The following FHIP1B variants were observed in gnomAD, a reference collection of about 807,000 sequenced individuals.
The protein encoded by FHIP1B is FHF complex subunit HOOK interacting protein 1B, also known as FHF complex subunit HOOK-interacting protein 1B.
FHIP1B carries 28 observed loss-of-function variants against 82.2 expected under a neutral mutation model. The observed-to-expected ratio is 0.34, with a 90% CI of 0.25 to 0.47. FHIP1B has a LOEUF of 0.47. Among genes scored for constraint, FHIP1B ranks in the 20% least tolerant of loss-of-function variants. The pLI is 1.00. For synonymous variants in FHIP1B, 585 were observed against 516.1 expected (o/e 1.13, Z -1.81); for missense variants, 1,110 against 1,262.6 (o/e 0.88, Z 1.83).
At chr11:6,220,011 A>G (rs1190444608) in intron 6 of FHIP1B, among the ~76,000 whole-genome samples, 2 of 152,230 alleles carry the variant, frequency 1.3e-5, no homozygotes, top group African/African-American at 4.8e-5. Context: ...AGACTCACTG[A>G]AAAGTAGTAA....
chr11:6,230,514 T>C (rs562999177), intron 1 of FHIP1B, among the ~76,000 whole-genome samples: 1 of 152,352 alleles, frequency 6.6e-6, no homozygotes, highest in East Asian at 1.9e-4. Flanking sequence ...TACACATTTC[T>C]TCCCTGCTTT....
chr11:6,226,280 G>T (rs1244776636), intron 1 of FHIP1B, among the ~76,000 whole-genome samples: 1 of 152,122 alleles, frequency 6.6e-6, no homozygotes, highest in Admixed American at 6.5e-5. Flanking sequence ...TAAAGGGAGG[G>T]GCCCAGTCCT....
chr11:6,217,529 C>A lies in FHIP1B; in HGVS notation c.2057G>T (p.Ser686Ile). Residue 686 changes from serine to isoleucine, a missense_variant, in exon 9 of 12, where the codon AGC becomes ATC. Physicochemically the swap from Ser to Ile is moderately radical, Grantham distance 142. This residue lies in a region of FHIP1B where 418 missense variants were observed against 371.4 expected (regional missense o/e 1.13). Transcript: ENST00000449352. ...QELRELEVAL[S>I]NGGTGSESPL... Reference sequence around the variant, plus strand: ...GGACTCTGAGCCAGTTCCCCCATTGCTCAATGCCACCTCTAGCTCCCGGAG... The same window carrying A: ...GGACTCTGAGCCAGTTCCCCCATTGATCAATGCCACCTCTAGCTCCCGGAG... 6.2e-7 allele frequency: 1 copy of A among 1,610,720 alleles called. No homozygotes were observed.
At chr11:6,211,901 G>A in intron 11 of FHIP1B, 34 bp from the exon 12 acceptor site, 1 of 1,516,432 alleles carries the variant, frequency 6.6e-7, no homozygotes, top group Non-Finnish European at 8.8e-7. Context: ...GAAGGTGCTG[G>A]GATCAGGGAA....
Position 6,223,468 on chromosome 11 carries a change from T to C in FHIP1B, c.777+142A>G. On this transcript the variant is annotated intron_variant, in intron 3 of 11. Transcript: ENST00000449352. This position sits in a 1 kb window ranked among gnomAD's most constrained non-coding sequence, Gnocchi z 4.8. ...GCCCATGATTCATCCCCACTACAAC[T>C]CCAGGGGGCTGCTTTCAAATCCAGG... The C allele has an allele frequency of 8.6e-7, 1 of 1,166,528 alleles. No homozygotes were observed. Among genetic ancestry groups the C allele is most frequent in the Non-Finnish European group, 1.2e-6 (1 of 822,252 alleles). 72.3% of individuals were successfully genotyped at this position (1,166,528 alleles called of 1,614,324 possible).
At chr11:6,219,478 A>T (rs900479124) in intron 6 of FHIP1B, among the ~76,000 whole-genome samples, 2 of 152,216 alleles carry the variant, frequency 1.3e-5, no homozygotes, top group African/African-American at 2.4e-5. Flanking sequence ...CTGAATGCCT[A>T]CCAATAAGAA....
Position 6,224,576 on chromosome 11 carries a change from A to AG in FHIP1B, c.-61dup, listed in dbSNP as rs1847512304. On this transcript the variant is annotated 5_prime_UTR_variant, in exon 2 of 12. Transcript: ENST00000449352. ...TACACTCTGAGGATTTGCCAGCTGG[A>AG]GGTTTTCTCCACTTGTGTCTCCAGT... 6.6e-7 allele frequency: 1 copy of AG among 1,526,360 alleles called. No individual in the cohort carries two copies. The highest frequency in any genetic ancestry group is 1.4e-5 in the African/African-American group (1 of 72,060). The allele number at this position is 1,526,360 out of a possible 1,614,324, so 94.6% of individuals were successfully genotyped here. A position where few individuals can be genotyped will look rare whatever the true frequency, so the allele number is the denominator to read the frequency against.
intron 1 of FHIP1B, among the ~76,000 whole-genome samples, chr11:6,231,814 ATT>A (rs148892844): frequency 8.1e-4 from 123 of 152,084 alleles, no homozygotes; most frequent in African/African-American, 2.8e-3. Flanking sequence ...ATTATGATAT[ATT>A]TTCACATTTC....
intron 6 of FHIP1B, among the ~76,000 whole-genome samples, chr11:6,220,985 A>C (rs531929777): frequency 6.6e-6 from 1 of 152,218 alleles, no homozygotes; most frequent in Non-Finnish European, 1.5e-5. Context: ...CAAGGCATCT[A>C]TCATGATTAC....
At position 6,211,710 on chromosome 11, in the gene FHIP1B, T is replaced by A; in HGVS notation, c.2715A>T (p.Leu905=). The A allele has an allele frequency of 6.2e-7, 1 of 1,614,108 alleles. No homozygotes were observed. The highest frequency in any genetic ancestry group is 8.5e-7 in the Non-Finnish European group (1 of 1,179,984). ...GGSPGASTPV[L]LTRGGAPERQ... ...GTTCAGGGGCCCCGCCCCGGGTGAG[T>A]AGAACTGGAGTTGAAGCCCCAGGGG... Residue 905 remains leucine (L), a synonymous_variant, in exon 12 of 12, where the codon CTA becomes CTT. Transcript: ENST00000449352.
At position 6,217,450 on chromosome 11, in the gene FHIP1B, G is replaced by A. The variant is rs140870715; in HGVS notation, c.2136C>T (p.Thr712=). 0.015 allele frequency: 23,423 copies of A among 1,613,928 alleles called. 194 individuals carry two copies. Among genetic ancestry groups the A allele is most frequent in the Non-Finnish European group, 0.018 (20,869 of 1,179,878 alleles). ...AGGGGCCAGGGGGCTCAGGGGGACA[G>A]GTGAAGCTCTCGTAGGCCTCCTCCT... The part of the protein sequence containing the change: ...LEEEEAYESF[T]CPPEPPGPFL... Residue 712 remains threonine, a synonymous_variant, in exon 9 of 12, where the codon ACC becomes ACT. Coordinates refer to ENST00000449352, the MANE Select transcript of FHIP1B (RefSeq NM_001098794.2).
At chr11:6,211,994 A>G in intron 11 of FHIP1B, 127 bp from the exon 12 acceptor site, 3 of 1,421,584 alleles carry the variant, frequency 2.1e-6, no homozygotes, top group Non-Finnish European at 2.7e-6. Flanking sequence ...AATGGAAAAA[A>G]GGACAAAATG....
chr11:6,222,102 C>T (rs947896866), intron 6 of FHIP1B, among the ~76,000 whole-genome samples: 4 of 152,076 alleles, frequency 2.6e-5, no homozygotes, highest in Admixed American at 2.6e-4. Context: ...CTCAAGTCAC[C>T]CAAAGCAGGC....
Position 6,214,781 on chromosome 11 carries a change from C to T in FHIP1B, c.2346G>A (p.Leu782=). Residue 782 remains leucine, a synonymous_variant, in exon 10 of 12, where the codon CTG becomes CTA. Transcript: ENST00000449352. Reference sequence around the variant, plus strand: ...GCTGGAAGACCATGTTGGTGTTGAGCAGGAAAGAGCGGAGCAGGGGCTGGG... The same window carrying T: ...GCTGGAAGACCATGTTGGTGTTGAGTAGGAAAGAGCGGAGCAGGGGCTGGG... ...CHPQPLLRSF[L]LNTNMVFQPS... 7.5e-6 allele frequency: 12 copies of T among 1,605,708 alleles called. No individual in the cohort carries two copies. Among genetic ancestry groups the T allele is most frequent in the Non-Finnish European group, 9.4e-6 (11 of 1,176,082 alleles).
At chr11:6,226,223 G>A (rs1028968246) in intron 1 of FHIP1B, among the ~76,000 whole-genome samples, 5 of 152,184 alleles carry the variant, frequency 3.3e-5, no homozygotes, top group African/African-American at 1.2e-4. Flanking sequence ...CTAAAGGAAG[G>A]TAGCCACTAT....
In FHIP1B at chr11:6,218,147, G is replaced by A. The variant is rs912460755; in HGVS notation, c.1439C>T (p.Pro480Leu). The stretch of plus-strand genomic sequence containing the variant: ...AGAGGAGTCCACACTTGGGCTTCCA[G>A]GACCTGCAAAGGGAAAAAATATAAG... ...RPEHASWARG[P>L]GSPSVDSSSV... is the part of the protein sequence containing the mutation. The change falls in exon 9 of 12, where the codon CCT (proline) becomes CTT (leucine). Residue 480 changes from proline to leucine, a missense_variant. This residue lies in a region of FHIP1B where 418 missense variants were observed against 371.4 expected (regional missense o/e 1.13). Transcript: ENST00000449352. 1 of 1,610,294 alleles carries A rather than the reference G, an allele frequency of 6.2e-7. No homozygotes were observed. Among genetic ancestry groups the A allele is most frequent in the Admixed American group, 1.7e-5 (1 of 59,436 alleles).
intron 8 of FHIP1B, 82 bp downstream of exon 8, chr11:6,218,518 A>C (rs1847314360): frequency 3.2e-6 from 5 of 1,581,652 alleles, no homozygotes; most frequent in South Asian, 2.2e-5. Context: ...CCTTCACCCC[A>C]GCCCCTCCTT....
intron 9 of FHIP1B, 75 bp from the exon 10 acceptor site, chr11:6,214,986 A>G (rs1847185667): frequency 1.5e-6 from 2 of 1,347,030 alleles, no homozygotes; most frequent in Non-Finnish European, 2.0e-6. Flanking sequence ...CCTCCCCAAA[A>G]CAAGAGACCC....
chr11:6,214,679 G>A (rs1032677829), intron 10 of FHIP1B, 54 bp downstream of exon 10: 20 of 1,543,692 alleles, frequency 1.3e-5, no homozygotes, highest in African/African-American at 6.8e-5. Context: ...CTCCAGCTGC[G>A]GGCCTGGCCC....
Sources: allele counts gnomAD v4.1 joint callset (sites outside exome capture counted in the v4.1 genomes callset), GRCh38; gene constraint gnomAD v4.1.1; regional missense constraint gnomAD v4.1.1; non-coding constraint Gnocchi (gnomAD v3.1); transcripts MANE v1.5; gene names NCBI Gene and HGNC (gene_info 2026-07-23, HGNC 2026-07-21).